The following FBLN7 variants were observed in gnomAD, a reference collection of about 807,000 sequenced individuals.
The protein encoded by FBLN7 is fibulin-7.
Under a neutral mutation model 44.0 loss-of-function variants are expected in FBLN7, and 31 were observed. The ratio of observed to expected loss-of-function variants is 0.70; its 90% CI spans 0.53 to 0.95. The LOEUF (loss-of-function observed/expected upper bound fraction) is 0.95, where lower values mean the gene tolerates loss of function less well. Among genes scored for constraint, FBLN7 ranks in the 40% least tolerant of loss-of-function variants. FBLN7 has a pLI of 0.00. For missense variants in FBLN7, 573 were observed against 618.5 expected (o/e 0.93, Z 0.78); for synonymous variants, 262 against 253.4 (o/e 1.03, Z -0.32).
intron 1 of FBLN7, among the ~76,000 whole-genome samples, chr2:112,154,457 G>T (rs534343001): frequency 9.8e-5 from 15 of 152,296 alleles, no homozygotes; most frequent in African/African-American, 3.4e-4. Context: ...TTCCTGGTGT[G>T]CAGGGGCCTC....
the FBLN7 span, among the ~76,000 whole-genome samples, chr2:112,199,072 TC>T: frequency 1.3e-5 from 2 of 152,306 alleles, no homozygotes; most frequent in South Asian, 2.1e-4. Flanking sequence ...GACCCACATT[TC>T]CTTTTCCTCT....
At chr2:112,181,341 AAAAT>A (rs1281745805) in intron 4 of FBLN7, among the ~76,000 whole-genome samples, 3 of 151,384 alleles carry the variant, frequency 2.0e-5, no homozygotes, top group Non-Finnish European at 4.4e-5. Flanking sequence ...TAAAAATAAT[AAAAT>A]AAAGAATACA....
At chr2:112,224,176 A>G in the FBLN7 span, among the ~76,000 whole-genome samples, 1 of 152,176 alleles carries the variant, frequency 6.6e-6, no homozygotes, top group Non-Finnish European at 1.5e-5. Context: ...AATATTAATG[A>G]TATTTGAAAA....
chr2:112,205,548 T>C, the FBLN7 span, among the ~76,000 whole-genome samples: 9 of 152,010 alleles, frequency 5.9e-5, no homozygotes, highest in African/African-American at 2.2e-4. Context: ...AATAATAAAA[T>C]GGCAAATTTA....
chr2:112,176,008 C>T, intron 4 of FBLN7, 169 bp downstream of exon 4: 1 of 780,948 alleles, frequency 1.3e-6, no homozygotes, highest in Non-Finnish European at 1.9e-6. Context: ...CTAAGGTGGT[C>T]ACTTGACAGA....
In FBLN7 at chr2:112,160,093, C is replaced by T. The variant is rs891599128; in HGVS notation, c.235+258C>T. 7.0e-4 allele frequency among the ~76,000 whole-genome samples: 107 copies of T among 152,304 alleles called. 1 individual carries two copies. Among genetic ancestry groups the T allele is most frequent in the African/African-American group, 2.4e-3 (101 of 41,564 alleles). On this transcript the variant is annotated intron_variant, in intron 2 of 7. Transcript: ENST00000331203. Reference sequence around the variant, plus strand: ...GCAAGCTCCGCCTCCCGGGTTCACGCCATTCTCCTGCCTCAGCCTCCCGCG... The same window carrying T: ...GCAAGCTCCGCCTCCCGGGTTCACGTCATTCTCCTGCCTCAGCCTCCCGCG...
rs539451652 is a variant in FBLN7 at position 112,140,577 on chromosome 2, G to T, written c.75+1847G>T. ...AAAGCGTCGGTCCATTGTGGGCGAG[G>T]ACTCCACGTGAGCACCGCCGGGAGG... On this transcript the variant is annotated intron_variant, in intron 1 of 7. Coordinates refer to ENST00000331203, the MANE Select transcript of FBLN7 (RefSeq NM_153214.3). Among the ~76,000 whole-genome samples, 6 of 152,330 alleles carry T rather than the reference G, an allele frequency of 3.9e-5. No individual in the cohort carries two copies. The East Asian group carries it at 1.2e-3, about 29-fold the overall frequency.
the FBLN7 span, among the ~76,000 whole-genome samples, chr2:112,196,374 C>CTTTTTTTTTTTT: frequency 1.1e-4 from 7 of 63,252 alleles, no homozygotes; most frequent in East Asian, 5.2e-4. Flanking sequence ...TCTTCTTCTT[C>CTTTTTTTTTTTT]TTTTTTTTTT....
the FBLN7 span, among the ~76,000 whole-genome samples, chr2:112,208,000 C>T: frequency 6.6e-6 from 1 of 152,354 alleles, no homozygotes; most frequent in East Asian, 1.9e-4. Context: ...AGCCATACAT[C>T]CTGTGTAGCA....
chr2:112,160,704 GCA>G (rs3080966), intron 2 of FBLN7, among the ~76,000 whole-genome samples: 70,838 of 143,652 alleles, frequency 0.49, 17,154 homozygotes, highest in Middle Eastern at 0.66. Context: ...ACACACGCAC[GCA>G]CACACACAAG....
chr2:112,224,236 G>T, the FBLN7 span, among the ~76,000 whole-genome samples: 2 of 152,274 alleles, frequency 1.3e-5, no homozygotes, highest in African/African-American at 2.4e-5. Context: ...CGTAAGGGTG[G>T]TTTAGTATTT....
At chr2:112,144,549 G>A (rs1187512029) in intron 1 of FBLN7, among the ~76,000 whole-genome samples, 2 of 140,624 alleles carry the variant, frequency 1.4e-5, no homozygotes, top group African/African-American at 5.4e-5. Context: ...TTTTGAGACG[G>A]AGTCTTGCTC....
chr2:112,213,775 CAAAAAAAAAAAAAAAAAAAA>C, the FBLN7 span: 16 of 24,078 alleles, frequency 6.6e-4, no homozygotes, highest in Non-Finnish European at 8.4e-4. Flanking sequence ...GACTCCGTCT[CAAAAAAAAAAAAAAAAAAAA>C]AAAAAAAAAA....
At chr2:112,152,634 T>A (rs1353343873) in intron 1 of FBLN7, 6 of 152,232 alleles carry the variant, frequency 3.9e-5, no homozygotes, top group Non-Finnish European at 1.5e-5. Flanking sequence ...AAAAGCCGAT[T>A]CGCCTCCTAG....
chr2:112,209,047 T>A, the FBLN7 span, among the ~76,000 whole-genome samples: 1 of 152,188 alleles, frequency 6.6e-6, no homozygotes, highest in African/African-American at 2.4e-5. Context: ...GTCCCTTAAA[T>A]TTTTCAGTGT....
chr2:112,186,570 G>A (rs536288329), intron 7 of FBLN7, among the ~76,000 whole-genome samples: 1 of 152,296 alleles, frequency 6.6e-6, no homozygotes, highest in South Asian at 2.1e-4. Context: ...AGCCTGGGAG[G>A]TGGAGGTTGC....
chr2:112,223,133 A>G, the FBLN7 span, among the ~76,000 whole-genome samples: 1 of 152,148 alleles, frequency 6.6e-6, no homozygotes, highest in African/African-American at 2.4e-5. Context: ...GGGGAGGGAT[A>G]GCATTAGGAG....
At chr2:112,160,692 GCA>G (rs1190068199) in intron 2 of FBLN7, among the ~76,000 whole-genome samples, 38 of 117,364 alleles carry the variant, frequency 3.2e-4, no homozygotes, top group East Asian at 1.1e-3. Flanking sequence ...GCACGCACAC[GCA>G]CACACGCACG....
chr2:112,162,916 G>A (rs1681951289), intron 2 of FBLN7, among the ~76,000 whole-genome samples: 1 of 151,930 alleles, frequency 6.6e-6, no homozygotes, highest in African/African-American at 2.4e-5. Context: ...AGTACTAGAT[G>A]TAAAAAAAAA....
Sources: allele counts gnomAD v4.1 joint callset (sites outside exome capture counted in the v4.1 genomes callset), GRCh38; gene constraint gnomAD v4.1.1; transcripts MANE v1.5; gene names NCBI Gene and HGNC (gene_info 2026-07-23, HGNC 2026-07-21).